The following ASGR1 variants were observed in gnomAD, a reference collection of about 807,000 sequenced individuals.
ASGR1 encodes asialoglycoprotein receptor 1.
Under a neutral mutation model 33.1 loss-of-function variants are expected in ASGR1, and 35 were observed. The observed-to-expected ratio is 1.06, with a 90% CI of 0.81 to 1.40. ASGR1 has a LOEUF of 1.40. Among genes scored for constraint, ASGR1 ranks in the 40% most tolerant of loss-of-function variants. The probability of loss-of-function intolerance (pLI) is 0.00; values close to 1 mark genes in which losing one functional copy is unlikely to be tolerated. For synonymous variants in ASGR1, 142 were observed against 152.5 expected (o/e 0.93, Z 0.51); for missense variants, 396 against 373.7 (o/e 1.06, Z -0.49).
chr17:7,175,761 C>A lies in ASGR1; in HGVS notation c.355+1069G>T, dbSNP rs118062279. Among the ~76,000 whole-genome samples the A allele has an allele frequency of 6.8e-3, 970 of 143,162 alleles. 6 individuals carry two copies. Among genetic ancestry groups the A allele is most frequent in the Non-Finnish European group, 0.01 (701 of 67,332 alleles). The allele number at this position is 143,162 out of a possible 152,430, so 93.9% of individuals were successfully genotyped here. A position where few individuals can be genotyped will look rare whatever the true frequency, so the allele number is the denominator to read the frequency against. On this transcript the variant is annotated intron_variant, in intron 5 of 8. Coordinates refer to ENST00000269299, the MANE Select transcript of ASGR1 (RefSeq NM_001671.5). ...CACTCACAAACACCCATCCACACTC[C>A]TTCTCATTTTCACACAGGCTCTCAC...
intron 5 of ASGR1, among the ~76,000 whole-genome samples, chr17:7,175,080 C>G (rs1182218396): frequency 6.7e-6 from 1 of 149,246 alleles, no homozygotes; most frequent in Admixed American, 6.7e-5. Context: ...CACCGTAACC[C>G]ACATACACAG....
Position 7,174,305 on chromosome 17 carries a change from G to C in ASGR1, c.443-16C>G, listed in dbSNP as rs200527750. ...CTTTCTGAGCCTGAGCGGGAGAAAC[G>C]GGGCGCAGGGGCTAAGCGCTGCCCA... On this transcript the variant is annotated splice_polypyrimidine_tract_variant and intron_variant, in intron 6 of 8. Coordinates refer to ENST00000269299, the MANE Select transcript of ASGR1 (RefSeq NM_001671.5). 221 of 1,613,594 alleles carry C rather than the reference G, an allele frequency of 1.4e-4. 2 individuals are homozygous for C. In the African/African-American group the frequency reaches 2.8e-3, roughly 20 times the overall value.
At chr17:7,176,568 TCTCACACACAGA>T in intron 5 of ASGR1, 1 of 456,442 alleles carries the variant, frequency 2.2e-6, no homozygotes, top group Non-Finnish European at 3.9e-6. Flanking sequence ...CACACCTCAT[TCTCACACACAGA>T]CTCACACACA....
chr17:7,177,558 C>T (rs1188754759), intron 2 of ASGR1: 4 of 510,092 alleles, frequency 7.8e-6, no homozygotes, highest in Non-Finnish European at 1.4e-5. Context: ...CACCGAGGCC[C>T]TGAGCTTTTG....
At chr17:7,178,334 C>G (rs2069239930) in intron 2 of ASGR1, 160 bp downstream of exon 2, 4 of 766,496 alleles carry the variant, frequency 5.2e-6, no homozygotes, top group Admixed American at 2.2e-5. Context: ...CACTCCGCCC[C>G]TCTCCTGAGA....
intron 5 of ASGR1, among the ~76,000 whole-genome samples, chr17:7,176,128 TCACACA>T (rs200521480): frequency 1.5e-5 from 2 of 129,440 alleles, no homozygotes; most frequent in African/African-American, 6.0e-5. Context: ...TCAGACTCTG[TCACACA>T]CACACCCATC....
chr17:7,174,510 G>A (rs1001530042), intron 5 of ASGR1, 50 bp from the exon 6 acceptor site: 1 of 1,570,772 alleles, frequency 6.4e-7, no homozygotes, highest in Non-Finnish European at 8.7e-7. Context: ...AAACCACGGG[G>A]AGGGAAACGG....
rs1302690860 is a variant in ASGR1 at position 7,173,703 on chromosome 17, C to T, written c.832G>A (p.Glu278Lys). 4 of 1,613,918 alleles carry T rather than the reference C, an allele frequency of 2.5e-6. No individual in the cohort carries two copies. Among genetic ancestry groups the T allele is most frequent in the Non-Finnish European group, 3.4e-6 (4 of 1,180,024 alleles). ...TGGCTGGCCTTGTCCAGCTCTGTCT[C>T]GCAGACCCAGCGGTAGGGCCTCTGG... ...VCQRPYRWVCETELDKASQEP... is the reference protein window; with the variant it reads ...VCQRPYRWVCKTELDKASQEP... Residue 278 changes from glutamate to lysine, a missense_variant, in exon 9 of 9, where the codon GAG becomes AAG. Glu to Lys is a moderately conservative substitution (Grantham distance 56, BLOSUM62 1). Coordinates refer to ENST00000269299, the MANE Select transcript of ASGR1 (RefSeq NM_001671.5). The surrounding 1 kb of genome is among the most constrained non-coding windows in gnomAD (Gnocchi z 4.7).
chr17:7,177,519 AG>A, intron 2 of ASGR1, 193 bp from the exon 3 acceptor site: 1 of 572,952 alleles, frequency 1.7e-6, no homozygotes, highest in East Asian at 2.9e-5. Context: ...GGGCTGGGGA[AG>A]GGGGCTAAGC....
intron 5 of ASGR1, chr17:7,176,504 CAG>C (rs1440408150): frequency 1.5e-5 from 7 of 473,558 alleles, no homozygotes; most frequent in African/African-American, 2.1e-5. Context: ...TTCTCACACT[CAG>C]ACACACACCC....
At position 7,174,229 on chromosome 17, in the gene ASGR1, A is replaced by T. The variant is rs762258005; in HGVS notation, c.503T>A (p.Phe168Tyr). Residue 168 changes from phenylalanine to tyrosine, a missense_variant, in exon 7 of 9, where the codon TTC becomes TAC. Transcript: ENST00000269299. ...AGCCCAGGCCTTCCCGGAGCGAGAG[A>T]ACCAGTAGCAGCTGCGCTCGTGCTC... is the stretch of plus-strand genomic sequence containing the variant. ...WVEHERSCYW[F>Y]SRSGKAWADA... The T allele has an allele frequency of 3.1e-6, 5 of 1,614,040 alleles. No homozygotes were observed. In the Admixed American group the frequency reaches 6.7e-5, roughly 22 times the overall value.
At position 7,173,920 on chromosome 17, in the gene ASGR1, G is replaced by C; in HGVS notation, c.701+41C>G. ...TCCTCAGCCCAGGGCCCCAGGGCGC[G>C]AAGGCGGCCGGACCCAGGCCGAGGG... is the stretch of plus-strand genomic sequence containing the variant. On this transcript the variant is annotated intron_variant, in intron 8 of 8. Coordinates refer to ENST00000269299, the MANE Select transcript of ASGR1 (RefSeq NM_001671.5). This position sits in a 1 kb window ranked among gnomAD's most constrained non-coding sequence, Gnocchi z 4.7. 1.2e-6 allele frequency: 2 copies of C among 1,612,652 alleles called. No homozygotes were observed. The highest frequency in any genetic ancestry group is 1.7e-6 in the Non-Finnish European group (2 of 1,179,466).
At position 7,178,518 on chromosome 17, in the gene ASGR1, T is replaced by A. The variant is rs761792778; in HGVS notation, c.46A>T (p.Ser16Cys). 1 of 1,614,018 alleles carries A rather than the reference T, an allele frequency of 6.2e-7. No individual in the cohort carries two copies. The highest frequency in any genetic ancestry group is 1.1e-5 in the South Asian group (1 of 91,062). Residue 16 changes from serine (S) to cysteine (C), a missense_variant, in exon 2 of 9, where the codon AGT becomes TGT. By Grantham distance (112) the Ser-to-Cys change is moderately radical. Transcript: ENST00000269299. Reference protein sequence around the residue: ...QDLQHLDNEESDHHQLRKGPP... With the variant: ...QDLQHLDNEECDHHQLRKGPP... ...CCTTTTCTGAGCTGATGGTGGTCAC[T>A]CTCCTCATTGTCCAGATGCTGAAGG... is the stretch of plus-strand genomic sequence containing the variant.
Position 7,176,840 on chromosome 17 carries a change from G to A in ASGR1, c.345C>T (p.Asp115=). 1 of 1,611,466 alleles carries A rather than the reference G, an allele frequency of 6.2e-7. No individual in the cohort carries two copies. The highest frequency in any genetic ancestry group is 8.5e-7 in the Non-Finnish European group (1 of 1,179,830). Residue 115 remains aspartate, a synonymous_variant, in exon 5 of 9, where the codon GAC becomes GAT. Coordinates refer to ENST00000269299, the MANE Select transcript of ASGR1 (RefSeq NM_001671.5). ...LESQLEKQQK[D]LSEDHSSLLL... ...CACTCCCTCTCTGACCTTCACTCAG[G>A]TCCTTCTGCTGTTTCTCCAGCTGGG...
In ASGR1 at chr17:7,177,239, AG is replaced by A. The variant is rs1428177356; in HGVS notation, c.157del (p.Val54TrpfsTer5). 6.2e-7 allele frequency: 1 copy of A among 1,613,448 alleles called. No homozygotes were observed. Among genetic ancestry groups the A allele is most frequent in the Non-Finnish European group, 8.5e-7 (1 of 1,179,884 alleles). On this transcript the variant is annotated frameshift_variant, in exon 3 of 9. Transcript: ENST00000269299. LOFTEE classifies it high-confidence loss of function. ...LLSLGLSLLLLVVVCVIGSQN... is the reference protein window; with the variant it reads ...LLSLGLSLLLXVVVCVIGSQN... ...GGATCCGATCACACAGACAACCACAAGCAGCAGGAGGCTGAGGCCCAGGGAG... is the reference window on the plus strand; with the variant it reads ...GGATCCGATCACACAGACAACCACAACAGCAGGAGGCTGAGGCCCAGGGAG...
chr17:7,178,814 G>A, intron 1 of ASGR1: 1 of 336,112 alleles, frequency 3.0e-6, no homozygotes, highest in Non-Finnish European at 5.1e-6. Context: ...TCAGCTTACT[G>A]CAACCTCTGC....
At chr17:7,175,544 C>A (rs999063329) in intron 5 of ASGR1, among the ~76,000 whole-genome samples, 2 of 151,494 alleles carry the variant, frequency 1.3e-5, no homozygotes, top group African/African-American at 4.9e-5. Context: ...ACACACAATG[C>A]ACATTCACAC....
rs1304973823 is a variant in ASGR1, at chr17:7,175,029, ACAC to A, written c.356-572_356-570del. Among the ~76,000 whole-genome samples the A allele has an allele frequency of 3.3e-5, 5 of 149,400 alleles. No individual in the cohort carries two copies. In the East Asian group the frequency reaches 9.9e-4, roughly 30 times the overall value. On this transcript the variant is annotated intron_variant, in intron 5 of 8. Transcript: ENST00000269299. ...ACTCACATACACACTCACACAACAC[ACAC>A]AACACACCATACACAACACACCCTC...
Position 7,178,699 on chromosome 17 carries a change from T to G in ASGR1, c.-25-111A>C, listed in dbSNP as rs573449483. 100 of 602,626 alleles carry G rather than the reference T, an allele frequency of 1.7e-4. No individual in the cohort carries two copies. In the African/African-American group the frequency reaches 1.7e-3, roughly 10 times the overall value. The allele number at this position is 602,626 out of a possible 1,614,324, so 37.3% of individuals were successfully genotyped here. On this transcript the variant is annotated intron_variant, in intron 1 of 8. Coordinates refer to ENST00000269299, the MANE Select transcript of ASGR1 (RefSeq NM_001671.5). Reference sequence around the variant, plus strand: ...GATTGACGGCTCCATCATGGAGACCTTTCTTCTTTCTTTCTTTTCTTTTTC... The same window carrying G: ...GATTGACGGCTCCATCATGGAGACCGTTCTTCTTTCTTTCTTTTCTTTTTC...
Sources: allele counts gnomAD v4.1 joint callset (sites outside exome capture counted in the v4.1 genomes callset), GRCh38; gene constraint gnomAD v4.1.1; non-coding constraint Gnocchi (gnomAD v3.1); transcripts MANE v1.5; gene names NCBI Gene and HGNC (gene_info 2026-07-23, HGNC 2026-07-21).